The following UBE2W variants were observed in gnomAD, a reference collection of about 807,000 sequenced individuals.
UBE2W encodes the protein ubiquitin-conjugating enzyme E2 W.
In UBE2W, 18 loss-of-function variants were observed where a neutral mutation model predicts 27.2. That is an observed-to-expected ratio of 0.66 (90% CI 0.46 to 0.98). The LOEUF is 0.98. UBE2W is among the 50% of genes least tolerant of loss of function. The pLI, the probability that UBE2W is intolerant of heterozygous loss-of-function variation, is 0.00. For synonymous variants in UBE2W, 53 were observed against 57.2 expected (o/e 0.93, Z 0.33); for missense variants, 90 against 180.2 (o/e 0.50, Z 2.87).
intron 1 of UBE2W, among the ~76,000 whole-genome samples, chr8:73,865,656 G>C (rs929158075): frequency 1.3e-5 from 2 of 152,028 alleles, no homozygotes; most frequent in African/African-American, 2.4e-5. Context: ...TTCTCTACTA[G>C]AATCCTTAAA....
At chr8:73,806,340 G>A (rs1337026227) in intron 4 of UBE2W, among the ~76,000 whole-genome samples, 6 of 151,966 alleles carry the variant, frequency 3.9e-5, no homozygotes, top group Admixed American at 1.3e-4. Context: ...GCAGTGAGCC[G>A]AGATGGTGCC....
intron 1 of UBE2W, among the ~76,000 whole-genome samples, chr8:73,861,653 G>A (rs1050414005): frequency 1.1e-4 from 16 of 152,080 alleles, no homozygotes; most frequent in Non-Finnish European, 1.5e-4. Flanking sequence ...CAACTCCAAC[G>A]ATTCATGATA....
rs539065001 is a variant in UBE2W, at chr8:73,833,378, ATATG to A, written c.16-2910_16-2907del. 1.5e-4 allele frequency among the ~76,000 whole-genome samples: 23 copies of A among 151,936 alleles called. No individual in the cohort carries two copies. In the South Asian group the frequency reaches 4.6e-3, roughly 30 times the overall value. On this transcript the variant is annotated intron_variant, in intron 1 of 5. Transcript: ENST00000602593. ...TATTAATAAAATTTTAAATGATTTTATATGTATAATTTTTAAAAAATTTTAAAGT... is the reference window on the plus strand; with the variant it reads ...TATTAATAAAATTTTAAATGATTTTATATAATTTTTAAAAAATTTTAAAGT...
intron 1 of UBE2W, among the ~76,000 whole-genome samples, chr8:73,841,756 G>C (rs1810545956): frequency 6.6e-6 from 1 of 152,166 alleles, no homozygotes; most frequent in Non-Finnish European, 1.5e-5. Flanking sequence ...TAAGGATTAG[G>C]ACTGGATTTT....
At chr8:73,868,021 T>C (rs560397938) in intron 1 of UBE2W, among the ~76,000 whole-genome samples, 2 of 152,312 alleles carry the variant, frequency 1.3e-5, no homozygotes, top group East Asian at 3.9e-4. Flanking sequence ...GAAATATATA[T>C]CTTCATCCAG....
chr8:73,844,174 C>CCT (rs71269949), intron 1 of UBE2W, among the ~76,000 whole-genome samples: 1 of 138,484 alleles, frequency 7.2e-6, no homozygotes. Context: ...CCCTCCCCCT[C>CCT]TGCACGGACT....
chr8:73,866,737 A>G (rs563221427), intron 1 of UBE2W, among the ~76,000 whole-genome samples: 2 of 152,252 alleles, frequency 1.3e-5, no homozygotes, highest in East Asian at 3.9e-4. Context: ...CTATCGGAAA[A>G]TGAAAACAGC....
In UBE2W at chr8:73,789,071, G is replaced by T. The variant is rs1417870711; in HGVS notation, c.*5031C>A. ...AAAATTACAATTAACATCTCACCAG[G>T]ATCAAAGAACCCTAACTTCAACTTT... is the stretch of plus-strand genomic sequence containing the variant. On this transcript the variant is annotated 3_prime_UTR_variant, in exon 6 of 6. Transcript: ENST00000602593. 2.0e-6 allele frequency: 2 copies of T among 984,712 alleles called. No individual in the cohort carries two copies. The highest frequency in any genetic ancestry group is 1.8e-5 in the African/African-American group (1 of 57,086). 61.0% of individuals were successfully genotyped at this position (984,712 alleles called of 1,614,324 possible).
intron 1 of UBE2W, among the ~76,000 whole-genome samples, chr8:73,854,487 G>C (rs547903134): frequency 3.9e-5 from 6 of 152,118 alleles, no homozygotes; most frequent in Non-Finnish European, 8.8e-5. Context: ...GAGCATTACT[G>C]TTAGAACATT....
intron 4 of UBE2W, among the ~76,000 whole-genome samples, chr8:73,809,674 G>C (rs1809067090): frequency 6.6e-6 from 1 of 152,030 alleles, no homozygotes; most frequent in Admixed American, 6.6e-5. Flanking sequence ...CAACCTCCTG[G>C]GTTCAAGCAA....
chr8:73,822,602 C>CAACAAAAA (rs1809661767), intron 3 of UBE2W, among the ~76,000 whole-genome samples: 1 of 51,216 alleles, frequency 2.0e-5, no homozygotes, highest in Non-Finnish European at 3.6e-5. Context: ...CTTGCAACTG[C>CAACAAAAA]AAAAAAAAAA....
chr8:73,805,191 C>T (rs986104671), intron 5 of UBE2W, among the ~76,000 whole-genome samples: 18 of 151,064 alleles, frequency 1.2e-4, no homozygotes, highest in East Asian at 7.9e-4. Flanking sequence ...TGGTGGCTCA[C>T]GCCTGTAATC....
At chr8:73,822,602 C>CAAATAA (rs1809661927) in intron 3 of UBE2W, among the ~76,000 whole-genome samples, 7 of 51,216 alleles carry the variant, frequency 1.4e-4, no homozygotes, top group Non-Finnish European at 2.2e-4. Context: ...CTTGCAACTG[C>CAAATAA]AAAAAAAAAA....
At chr8:73,839,723 T>A (rs1810460570) in intron 1 of UBE2W, among the ~76,000 whole-genome samples, 1 of 145,280 alleles carries the variant, frequency 6.9e-6, no homozygotes, top group Non-Finnish European at 1.5e-5. Flanking sequence ...CATTTCTTTT[T>A]TGGTTTTTTT....
chr8:73,824,288 T>C (rs748482424), intron 3 of UBE2W, among the ~76,000 whole-genome samples: 23 of 152,210 alleles, frequency 1.5e-4, no homozygotes, highest in Non-Finnish European at 3.2e-4. Context: ...CATTATCCCT[T>C]GTCTAAGTAT....
intron 1 of UBE2W, among the ~76,000 whole-genome samples, chr8:73,863,848 A>T (rs1811630087): frequency 6.6e-6 from 1 of 152,098 alleles, no homozygotes; most frequent in African/African-American, 2.4e-5. Flanking sequence ...TATTTTTTTT[A>T]AAGTTTCCCA....
chr8:73,813,083 C>CAAAAAAAAAAAAAAA (rs56094830), intron 3 of UBE2W, among the ~76,000 whole-genome samples: 14 of 43,460 alleles, frequency 3.2e-4, no homozygotes, highest in Non-Finnish European at 4.1e-4. Flanking sequence ...GAAAGTGCCA[C>CAAAAAAAAAAAAAAA]AAAAAAAAAA....
intron 3 of UBE2W, among the ~76,000 whole-genome samples, chr8:73,812,518 T>G (rs930157236): frequency 6.6e-6 from 1 of 152,190 alleles, no homozygotes; most frequent in African/African-American, 2.4e-5. Context: ...TTCATAAATA[T>G]GAACTATAGT....
intron 2 of UBE2W, among the ~76,000 whole-genome samples, chr8:73,827,323 C>G (rs1464485786): frequency 6.6e-6 from 1 of 152,154 alleles, no homozygotes; most frequent in Non-Finnish European, 1.5e-5. Flanking sequence ...AAGTGATTCT[C>G]CTGCCTCAGC....
Sources: allele counts gnomAD v4.1 joint callset (sites outside exome capture counted in the v4.1 genomes callset), GRCh38; gene constraint gnomAD v4.1.1; transcripts MANE v1.5; gene names NCBI Gene and HGNC (gene_info 2026-07-23, HGNC 2026-07-21).